The following LGSN variants were observed in gnomAD, a reference collection of about 807,000 sequenced individuals.
LGSN encodes the protein lengsin, lens protein with glutamine synthetase domain.
A neutral mutation model predicts 19.5 loss-of-function variants in LGSN; 21 were observed. The observed-to-expected ratio is 1.07, with a 90% CI of 0.76 to 1.55. The LOEUF (loss-of-function observed/expected upper bound fraction) is 1.55. LGSN is among the 40% of genes most tolerant of loss of function. LGSN has a pLI of 0.00. For synonymous variants in LGSN, 257 were observed against 215.6 expected (o/e 1.19, Z -1.68); for missense variants, 673 against 608.5 (o/e 1.11, Z -1.12).
chr6:63,537,757 A>G, the LGSN span, among the ~76,000 whole-genome samples: 1 of 152,330 alleles, frequency 6.6e-6, no homozygotes, highest in African/African-American at 2.4e-5. Context: ...TAGGGACCCT[A>G]CAGTTTAATT....
At chr6:63,551,254 C>T in the LGSN span, among the ~76,000 whole-genome samples, 17 of 151,228 alleles carry the variant, frequency 1.1e-4, no homozygotes, top group Admixed American at 7.3e-4. Context: ...TTAGTAGAGA[C>T]GGAGTTTCAC....
At chr6:63,508,627 G>A in the LGSN span, among the ~76,000 whole-genome samples, 4 of 152,150 alleles carry the variant, frequency 2.6e-5, no homozygotes, top group South Asian at 8.3e-4. Context: ...TGTTATAAGA[G>A]TATTTCTGGC....
chr6:63,412,495 A>AGAG, the LGSN span, among the ~76,000 whole-genome samples: 5 of 100,762 alleles, frequency 5.0e-5, no homozygotes, highest in East Asian at 2.7e-4. Context: ...AGAAAGAAAG[A>AGAG]AAGAAAGAAA....
the LGSN span, among the ~76,000 whole-genome samples, chr6:63,452,197 C>G: frequency 3.9e-4 from 59 of 151,962 alleles, no homozygotes; most frequent in African/African-American, 1.4e-3. Context: ...TGGTAGGTTT[C>G]ACCAAACTGT....
chr6:63,526,831 ATATATT>A, the LGSN span, among the ~76,000 whole-genome samples: 7 of 132,354 alleles, frequency 5.3e-5, no homozygotes, highest in African/African-American at 1.5e-4. Context: ...ATATATATAT[ATATATT>A]TATTTATTTA....
At chr6:63,419,739 T>A in the LGSN span, among the ~76,000 whole-genome samples, 1 of 149,576 alleles carries the variant, frequency 6.7e-6, no homozygotes, top group Non-Finnish European at 1.5e-5. Flanking sequence ...AATACAAAAA[T>A]TAGCCGGCCG....
chr6:63,496,514 G>A, the LGSN span, among the ~76,000 whole-genome samples: 1 of 152,030 alleles, frequency 6.6e-6, no homozygotes, highest in Non-Finnish European at 1.5e-5. Context: ...AGATAGCAAA[G>A]GCCTGGATAA....
At chr6:63,399,119 A>C in the LGSN span, among the ~76,000 whole-genome samples, 1 of 151,586 alleles carries the variant, frequency 6.6e-6, no homozygotes, top group Admixed American at 6.6e-5. Context: ...ATTTTTTTTT[A>C]ATCTTTTACG....
the LGSN span, among the ~76,000 whole-genome samples, chr6:63,529,137 G>GTATATATGTGTGTA: frequency 1.5e-5 from 2 of 136,794 alleles, 1 homozygote; most frequent in African/African-American, 5.5e-5. Context: ...ATATGTGTGT[G>GTATATATGTGTGTA]TATATATATA....
chr6:63,372,494 G>A, the LGSN span, among the ~76,000 whole-genome samples: 2 of 152,084 alleles, frequency 1.3e-5, no homozygotes, highest in Admixed American at 6.5e-5. Context: ...GGTGGTAAGA[G>A]GGGGGGAAAT....
At chr6:63,315,523 T>G (rs1037823929) in intron 1 of LGSN, among the ~76,000 whole-genome samples, 1 of 152,016 alleles carries the variant, frequency 6.6e-6, no homozygotes, top group Non-Finnish European at 1.5e-5. Flanking sequence ...TCAGGCCTTT[T>G]CACCACGGTT....
chr6:63,453,057 T>A, the LGSN span, among the ~76,000 whole-genome samples: 1 of 152,200 alleles, frequency 6.6e-6, no homozygotes, highest in Non-Finnish European at 1.5e-5. Flanking sequence ...CGTATTTTAT[T>A]AAAAGCATAG....
the LGSN span, among the ~76,000 whole-genome samples, chr6:63,526,827 A>ATT: frequency 2.0e-4 from 28 of 140,310 alleles, no homozygotes; most frequent in Non-Finnish European, 3.2e-4. Context: ...ATATATATAT[A>ATT]TATATATATT....
the LGSN span, among the ~76,000 whole-genome samples, chr6:63,532,146 T>G: frequency 6.6e-6 from 1 of 152,148 alleles, no homozygotes. Flanking sequence ...TTTATAATAG[T>G]TAATAAAGAA....
At chr6:63,375,578 T>C in the LGSN span, among the ~76,000 whole-genome samples, 9 of 152,138 alleles carry the variant, frequency 5.9e-5, no homozygotes, top group Non-Finnish European at 1.3e-4. Flanking sequence ...TATGTATATA[T>C]TCGTCTGTAC....
the LGSN span, among the ~76,000 whole-genome samples, chr6:63,547,807 G>A: frequency 3.3e-5 from 5 of 151,946 alleles, no homozygotes; most frequent in Non-Finnish European, 5.9e-5. Context: ...CACTGCGCCC[G>A]GCCCAGGGGG....
the LGSN span, chr6:63,549,288 A>T: frequency 4.0e-6 from 3 of 753,558 alleles, no homozygotes; most frequent in Non-Finnish European, 7.3e-6. Flanking sequence ...AGGCACTTTC[A>T]GCCACTTACA....
chr6:63,535,606 G>A, the LGSN span, among the ~76,000 whole-genome samples: 1 of 152,114 alleles, frequency 6.6e-6, no homozygotes, highest in Non-Finnish European at 1.5e-5. Context: ...GATAATATGA[G>A]GTATCGAATG....
At chr6:63,438,583 A>G in the LGSN span, among the ~76,000 whole-genome samples, 27 of 152,028 alleles carry the variant, frequency 1.8e-4, 1 homozygote, top group South Asian at 6.2e-4. Flanking sequence ...ACATTTATGC[A>G]GCCAAAAAAC....
Sources: allele counts gnomAD v4.1 joint callset (sites outside exome capture counted in the v4.1 genomes callset), GRCh38; gene constraint gnomAD v4.1.1; transcripts MANE v1.5; gene names NCBI Gene and HGNC (gene_info 2026-07-23, HGNC 2026-07-21).